SNX7: variants seen among roughly 807,000 people sequenced by gnomAD.
SNX7 encodes sorting nexin-7.
In SNX7, 35 loss-of-function variants were observed where a neutral mutation model predicts 48.4. The ratio of observed to expected loss-of-function variants is 0.72; its 90% CI spans 0.55 to 0.96. The LOEUF (loss-of-function observed/expected upper bound fraction) is 0.96, where lower values mean the gene tolerates loss of function less well. SNX7 is among the 40% of genes least tolerant of loss of function. The pLI, the probability that SNX7 is intolerant of heterozygous loss-of-function variation, is 0.00. For missense variants in SNX7, 553 were observed against 548.9 expected, an observed-to-expected ratio of 1.01 and a Z score of -0.07; for synonymous variants, 190 against 190.2, an observed-to-expected ratio of 1.00 and a Z score of 0.01.
intron 1 of SNX7, among the ~76,000 whole-genome samples, chr1:98,671,535 T>C (rs1474701989): frequency 6.6e-6 from 1 of 152,110 alleles, no homozygotes. Context: ...TTAAATTCAA[T>C]TTTATTGAGT....
intron 8 of SNX7, among the ~76,000 whole-genome samples, chr1:98,740,590 A>G (rs1250349583): frequency 6.6e-6 from 1 of 152,180 alleles, no homozygotes; most frequent in African/African-American, 2.4e-5. Context: ...ACAATTCCAC[A>G]GAATTTCAAC....
At chr1:98,708,985 T>C (rs997188865) in intron 7 of SNX7, among the ~76,000 whole-genome samples, 2 of 152,174 alleles carry the variant, frequency 1.3e-5, no homozygotes, top group South Asian at 2.1e-4. Context: ...TAATATAAGG[T>C]CTTAATCCCA....
chr1:98,669,503 C>G (rs772259933), intron 1 of SNX7, among the ~76,000 whole-genome samples: 1 of 152,194 alleles, frequency 6.6e-6, no homozygotes, highest in African/African-American at 2.4e-5. Flanking sequence ...TCTCCTTCAC[C>G]CCCACTCTCT....
intron 1 of SNX7, among the ~76,000 whole-genome samples, chr1:98,680,853 A>G (rs1039938913): frequency 3.3e-5 from 5 of 152,134 alleles, no homozygotes; most frequent in Admixed American, 1.3e-4. Context: ...GGAAGTTCCA[A>G]ACTTTCCCAC....
intron 7 of SNX7, among the ~76,000 whole-genome samples, chr1:98,716,191 C>G (rs1241203768): frequency 6.6e-6 from 1 of 152,144 alleles, no homozygotes; most frequent in African/African-American, 2.4e-5. Flanking sequence ...TCCCACTCCA[C>G]TTGGGCTTTC....
In SNX7 at chr1:98,666,318, G is replaced by T. The variant is rs542909212; in HGVS notation, c.180+4407G>T. 1.2e-4 allele frequency among the ~76,000 whole-genome samples: 18 copies of T among 152,330 alleles called. No homozygotes were observed. In the East Asian group the frequency reaches 3.5e-3, roughly 29 times the overall value. On this transcript the variant is annotated intron_variant, in intron 1 of 8. Transcript: ENST00000306121. ...TTTAAAGGGACAAGAAATGGAAATA[G>T]CATTGCTGGAAACCAGTCAGACCTG...
intron 7 of SNX7, among the ~76,000 whole-genome samples, chr1:98,734,758 G>A (rs1260868648): frequency 4.6e-5 from 7 of 152,102 alleles, no homozygotes; most frequent in African/African-American, 7.2e-5. Flanking sequence ...ACTGAAGCTA[G>A]AAATTACCCA....
chr1:98,755,858 G>A (rs999571742), intron 8 of SNX7, among the ~76,000 whole-genome samples: 1 of 151,794 alleles, frequency 6.6e-6, no homozygotes, highest in African/African-American at 2.4e-5. Flanking sequence ...GGTAGGTCTT[G>A]TTTTTTTATT....
chr1:98,724,633 G>T (rs1653071308), intron 7 of SNX7, among the ~76,000 whole-genome samples: 1 of 152,060 alleles, frequency 6.6e-6, no homozygotes, highest in Admixed American at 6.6e-5. Flanking sequence ...ATGCTTATTT[G>T]CTCTAGTTCT....
At chr1:98,673,795 G>A (rs1650009142) in intron 1 of SNX7, among the ~76,000 whole-genome samples, 1 of 152,182 alleles carries the variant, frequency 6.6e-6, no homozygotes, top group Non-Finnish European at 1.5e-5. Context: ...TATGGACAAT[G>A]ATAATTATAC....
chr1:98,689,050 G>A (rs1650966241), intron 2 of SNX7, among the ~76,000 whole-genome samples: 1 of 152,040 alleles, frequency 6.6e-6, no homozygotes, highest in Admixed American at 6.5e-5. Flanking sequence ...GATTACAGGT[G>A]CGTGCCACTA....
chr1:98,684,297 G>C (rs986785881), intron 1 of SNX7, among the ~76,000 whole-genome samples: 6 of 152,172 alleles, frequency 3.9e-5, no homozygotes, highest in African/African-American at 1.4e-4. Flanking sequence ...TAGTGCTACT[G>C]TGACAAAATA....
chr1:98,687,055 A>C (rs2100944466), intron 2 of SNX7, among the ~76,000 whole-genome samples: 1 of 152,244 alleles, frequency 6.6e-6, no homozygotes, highest in African/African-American at 2.4e-5. Flanking sequence ...ATAATATGAA[A>C]ATATATAAAC....
chr1:98,746,760 A>G (rs1654327575), intron 8 of SNX7, among the ~76,000 whole-genome samples: 1 of 152,080 alleles, frequency 6.6e-6, no homozygotes, highest in African/African-American at 2.4e-5. Context: ...ACTGATGTAT[A>G]GATGAATATT....
At chr1:98,663,825 G>A (rs773398351) in intron 1 of SNX7, among the ~76,000 whole-genome samples, 2 of 152,180 alleles carry the variant, frequency 1.3e-5, no homozygotes, top group African/African-American at 2.4e-5. Context: ...TGTTAACTGC[G>A]CGTGTTGGAT....
At chr1:98,712,189 T>C (rs1406247630) in intron 7 of SNX7, among the ~76,000 whole-genome samples, 1 of 152,182 alleles carries the variant, frequency 6.6e-6, no homozygotes, top group East Asian at 1.9e-4. Context: ...CAAATTCCTA[T>C]AAATGTTAAT....
intron 8 of SNX7, among the ~76,000 whole-genome samples, chr1:98,758,894 A>G (rs1654983737): frequency 6.6e-6 from 1 of 151,940 alleles, no homozygotes. Context: ...TATTTCCCAT[A>G]TTCTAAATCT....
At chr1:98,719,565 GTCTT>G (rs1652755672) in intron 7 of SNX7, among the ~76,000 whole-genome samples, 1 of 151,862 alleles carries the variant, frequency 6.6e-6, no homozygotes, top group Non-Finnish European at 1.5e-5. Context: ...CTTGATCTCT[GTCTT>G]TCTGATTTAT....
chr1:98,715,563 TTTTTA>T (rs1652544714), intron 7 of SNX7, among the ~76,000 whole-genome samples: 1 of 152,204 alleles, frequency 6.6e-6, no homozygotes, highest in Non-Finnish European at 1.5e-5. Flanking sequence ...TATGAATTTG[TTTTTA>T]TTTTAAGACA....
Sources: gnomAD v4.1 joint callset for allele counts (sites outside exome capture counted in the v4.1 genomes callset) on GRCh38, gnomAD v4.1.1 for gene constraint, MANE v1.5 for transcripts, NCBI Gene and HGNC (gene_info 2026-07-23, HGNC 2026-07-21) for gene names.